IPPK: variants seen among roughly 807,000 people sequenced by gnomAD.
The protein encoded by IPPK is IPK1 homolog.
Under a neutral mutation model 64.6 loss-of-function variants are expected in IPPK, and 22 were observed. The observed-to-expected ratio is 0.34, with a 90% CI of 0.24 to 0.49. IPPK has a LOEUF of 0.49. Ranked by LOEUF, IPPK falls within the 20% of genes least tolerant of loss-of-function variation. The pLI is 0.99. For missense variants in IPPK, 532 were observed against 630.7 expected, an observed-to-expected ratio of 0.84 and a Z score of 1.68; for synonymous variants, 262 against 247.2, an observed-to-expected ratio of 1.06 and a Z score of -0.56.
chr9:92,656,486 C>A lies in IPPK; in HGVS notation c.195G>T (p.Glu65Asp). Residue 65 changes from glutamate (E) to aspartate (D), a missense_variant, in exon 3 of 13, where the codon GAG becomes GAT. Coordinates refer to ENST00000287996, the MANE Select transcript of IPPK (RefSeq NM_022755.6). ...AATGAACATAGTTCTCCCCCAAAAA[C>A]TCCTTCATGACATTTTTCCCAAAGT... ...IVDFGKNVMK[E>D]FLGENYVHYG... The A allele has an allele frequency of 6.2e-7, 1 of 1,613,390 alleles. No homozygotes were observed. The highest frequency in any genetic ancestry group is 8.5e-7 in the Non-Finnish European group (1 of 1,179,296).
chr9:92,650,438 A>G (rs1023461698), intron 4 of IPPK, among the ~76,000 whole-genome samples: 16 of 152,186 alleles, frequency 1.1e-4, no homozygotes, highest in Non-Finnish European at 2.1e-4. Context: ...GCAGTCAGCC[A>G]CACCGATGGT....
At chr9:92,660,553 A>C (rs1447997507) in intron 1 of IPPK, among the ~76,000 whole-genome samples, 1 of 152,262 alleles carries the variant, frequency 6.6e-6, no homozygotes, top group Non-Finnish European at 1.5e-5. Context: ...GTAGCAAAGC[A>C]GTCCTGATCA....
chr9:92,649,833 C>A (rs1442767980), intron 4 of IPPK, among the ~76,000 whole-genome samples: 5 of 150,176 alleles, frequency 3.3e-5, no homozygotes, highest in Non-Finnish European at 7.4e-5. Context: ...CGAGACTAGC[C>A]TGGCCAACAT....
chr9:92,655,216 C>T (rs1852346990), intron 3 of IPPK, among the ~76,000 whole-genome samples: 2 of 152,190 alleles, frequency 1.3e-5, no homozygotes, highest in African/African-American at 4.8e-5. Context: ...CCTAACTCAC[C>T]GACACATCTG....
At chr9:92,626,936 A>G (rs1333636231) in intron 11 of IPPK, among the ~76,000 whole-genome samples, 1 of 151,966 alleles carries the variant, frequency 6.6e-6, no homozygotes, top group African/African-American at 2.4e-5. Flanking sequence ...AAAAACAGAA[A>G]TGAAGCCCTT....
chr9:92,645,333 A>G (rs1283112825), intron 6 of IPPK, among the ~76,000 whole-genome samples: 1 of 152,110 alleles, frequency 6.6e-6, no homozygotes, highest in African/African-American at 2.4e-5. Flanking sequence ...TCAAGGCTGC[A>G]GTGAGTCATG....
At chr9:92,633,010 C>CT (rs796756965) in intron 11 of IPPK, among the ~76,000 whole-genome samples, 1,770 of 144,330 alleles carry the variant, frequency 0.012, 35 homozygotes, top group African/African-American at 0.038. Flanking sequence ...CTCAGAATAA[C>CT]TTTTTTTTTT....
intron 11 of IPPK, among the ~76,000 whole-genome samples, chr9:92,624,396 T>C (rs1032832729): frequency 6.6e-6 from 1 of 151,780 alleles, no homozygotes; most frequent in Non-Finnish European, 1.5e-5. Flanking sequence ...GAGGCGGAGG[T>C]TGCAGTGAGC....
At chr9:92,626,212 AC>A (rs1170628215) in intron 11 of IPPK, among the ~76,000 whole-genome samples, 1 of 152,134 alleles carries the variant, frequency 6.6e-6, no homozygotes, top group Non-Finnish European at 1.5e-5. Context: ...CCTGACTAAC[AC>A]GGCGAAACCC....
intron 12 of IPPK, chr9:92,618,599 G>A (rs1851522509): frequency 2.2e-6 from 1 of 456,380 alleles, no homozygotes; most frequent in Admixed American, 2.3e-5. Flanking sequence ...ATCCAGTTAA[G>A]GAATTCCTCA....
At chr9:92,649,659 C>T (rs1030671927) in intron 4 of IPPK, 85 bp from the exon 5 acceptor site, 1 of 1,530,272 alleles carries the variant, frequency 6.5e-7, no homozygotes, top group African/African-American at 1.4e-5. Flanking sequence ...CCGCCTTGTC[C>T]CTGGTTCCAG....
rs185258451 is a variant in IPPK at position 92,636,407 on chromosome 9, C to G, written c.917-1099G>C. Reference sequence around the variant, plus strand: ...ATCCTAACTTTCTGGGAGGCCAATGCTGGCAGATTGCTTGAGCCCAGGAGT... The same window carrying G: ...ATCCTAACTTTCTGGGAGGCCAATGGTGGCAGATTGCTTGAGCCCAGGAGT... On this transcript the variant is annotated intron_variant, in intron 9 of 12. Coordinates refer to ENST00000287996, the MANE Select transcript of IPPK (RefSeq NM_022755.6). Among the ~76,000 whole-genome samples the G allele has an allele frequency of 6.3e-3, 963 of 152,294 alleles. 6 individuals are homozygous for G. Among genetic ancestry groups the G allele is most frequent in the Non-Finnish European group, 8.9e-3 (603 of 68,026 alleles).
chr9:92,652,618 C>T lies in IPPK; in HGVS notation c.247G>A (p.Glu83Lys). The T allele has an allele frequency of 1.3e-6, 2 of 1,575,060 alleles. No individual in the cohort carries two copies. The highest frequency in any genetic ancestry group is 1.7e-6 in the Non-Finnish European group (2 of 1,151,448). Residue 83 changes from glutamate (E) to lysine (K), a missense_variant, in exon 4 of 13, where the codon GAG becomes AAG. Physicochemically the swap from Glu to Lys is moderately conservative, Grantham distance 56. Coordinates refer to ENST00000287996, the MANE Select transcript of IPPK (RefSeq NM_022755.6). ...HYGEVVQLPL[E>K]FVKQLCLKIQ... ...TTTAAACAAAGCTGTTTCACAAACT[C>T]TAAAGGTAGCTGAACGACCTCCTGT...
At chr9:92,648,217 A>C in intron 5 of IPPK, 69 bp from the exon 6 acceptor site, 2 of 1,141,816 alleles carry the variant, frequency 1.8e-6, no homozygotes, top group Non-Finnish European at 2.6e-6. Context: ...TAGACATATC[A>C]CTGACTACAA....
intron 8 of IPPK, among the ~76,000 whole-genome samples, chr9:92,638,545 G>A (rs1200718280): frequency 6.6e-6 from 1 of 152,202 alleles, no homozygotes; most frequent in Non-Finnish European, 1.5e-5. Context: ...CCTGACCAAC[G>A]CCCCCAGACA....
At position 92,642,828 on chromosome 9, in the gene IPPK, G is replaced by A. The variant is rs1373708099; in HGVS notation, c.505-18C>T. The A allele has an allele frequency of 6.2e-7, 1 of 1,610,250 alleles. No individual in the cohort carries two copies. Reference sequence around the variant, plus strand: ...GTTGCTACCTGTGAAAACACCAACAGGAGGGCATGAGGTGACTGGCGCTGG... The same window carrying A: ...GTTGCTACCTGTGAAAACACCAACAAGAGGGCATGAGGTGACTGGCGCTGG... On this transcript the variant is annotated intron_variant, in intron 6 of 12. Transcript: ENST00000287996.
intron 1 of IPPK, 72 bp downstream of exon 1, chr9:92,669,836 G>T (rs1852689657): frequency 1.7e-6 from 2 of 1,165,500 alleles, no homozygotes; most frequent in African/African-American, 1.6e-5. Flanking sequence ...TTGAGGAAAC[G>T]GATAATGGGG....
At chr9:92,644,025 T>C (rs556916042) in intron 6 of IPPK, among the ~76,000 whole-genome samples, 12 of 152,164 alleles carry the variant, frequency 7.9e-5, no homozygotes, top group African/African-American at 2.2e-4. Flanking sequence ...ACCATGAAAA[T>C]TGCATCCCAA....
At position 92,615,824 on chromosome 9, in the gene IPPK, G is replaced by A; in HGVS notation, c.*8C>T. 1.3e-6 allele frequency: 2 copies of A among 1,595,462 alleles called. No homozygotes were observed. The highest frequency in any genetic ancestry group is 1.7e-6 in the Non-Finnish European group (2 of 1,163,150). ...TGTTCAAGTTTCAAAGACACTGCAG[G>A]GAAAGAGTTAGACCTTGTGGAGAAC... On this transcript the variant is annotated 3_prime_UTR_variant, in exon 13 of 13. Transcript: ENST00000287996.
Sources: gnomAD v4.1 joint callset for allele counts (sites outside exome capture counted in the v4.1 genomes callset) on GRCh38, gnomAD v4.1.1 for gene constraint, MANE v1.5 for transcripts, NCBI Gene and HGNC (gene_info 2026-07-23, HGNC 2026-07-21) for gene names.